The following PSMA4 variants were observed in gnomAD, a reference collection of about 807,000 sequenced individuals.
The protein encoded by PSMA4 is proteasome subunit alpha type-4.
Under a neutral mutation model 37.2 loss-of-function variants are expected in PSMA4, and 8 were observed. That is an observed-to-expected ratio of 0.22 (90% CI 0.13 to 0.39). The LOEUF is 0.39. Among genes scored for constraint, PSMA4 ranks in the 10% least tolerant of loss-of-function variants. The pLI, the probability that PSMA4 is intolerant of heterozygous loss-of-function variation, is 1.00. For missense variants in PSMA4, 169 were observed against 305.1 expected, an observed-to-expected ratio of 0.55 and a Z score of 3.32; for synonymous variants, 93 against 98.8, an observed-to-expected ratio of 0.94 and a Z score of 0.35.
chr15:78,546,777 T>C (rs907751606), intron 8 of PSMA4, 79 bp downstream of exon 8: 1 of 1,492,484 alleles, frequency 6.7e-7, no homozygotes, highest in African/African-American at 1.4e-5. Flanking sequence ...TCTTTTTTTT[T>C]TTTTTTTGAG....
At position 78,541,920 on chromosome 15, in the gene PSMA4, C is replaced by A; in HGVS notation, c.-8C>A. The stretch of plus-strand genomic sequence containing the variant: ...CTTTTTACAGGAACTATATAAAGTT[C>A]AGAAAACATGGTGAGTTAATACACA... On this transcript the variant is annotated 5_prime_UTR_variant, in exon 2 of 9. Transcript: ENST00000044462. The A allele has an allele frequency of 1.3e-6, 2 of 1,594,194 alleles. No homozygotes were observed. Among genetic ancestry groups the A allele is most frequent in the South Asian group, 1.1e-5 (1 of 89,590 alleles).
chr15:78,549,689 C>CT lies in PSMA4; in HGVS notation c.*746dup, dbSNP rs2052616741. On this transcript the variant is annotated 3_prime_UTR_variant, in exon 9 of 9. Transcript: ENST00000044462. ...TCCCAGATCTACTGAATTAAAATCTCTGAGGGTGAAACCCAGTAATCTGTT... is the reference window on the plus strand; with the variant it reads ...TCCCAGATCTACTGAATTAAAATCTCTTGAGGGTGAAACCCAGTAATCTGTT... 2 of 152,232 alleles carry CT rather than the reference C, an allele frequency of 1.3e-5. No individual in the cohort carries two copies. The highest frequency in any genetic ancestry group is 1.3e-4 in the Admixed American group (2 of 15,288). The allele number at this position is 152,232 out of a possible 1,614,324, so 9.4% of individuals were successfully genotyped here.
intron 3 of PSMA4, 124 bp downstream of exon 3, chr15:78,542,343 TATC>T: frequency 7.2e-7 from 1 of 1,395,226 alleles, no homozygotes; most frequent in Middle Eastern, 1.9e-4. Flanking sequence ...TTGAAGCAAT[TATC>T]ATCACCAGGT....
At position 78,544,252 on chromosome 15, in the gene PSMA4, G is replaced by C; in HGVS notation, c.272G>C (p.Arg91Thr). The change falls in exon 5 of 9, where the codon AGG (arginine) becomes ACG (threonine). Residue 91 changes from arginine (R) to threonine (T), a missense_variant. Arg to Thr is a moderately conservative substitution (Grantham distance 71). Around this residue, in one of 2 missense-constraint regions of PSMA4, gnomAD observed 79 missense variants for 212.4 expected, o/e 0.37. Coordinates refer to ENST00000044462, the MANE Select transcript of PSMA4 (RefSeq NM_002789.6). ...SDANVLTNEL[R>T]LIAQRYLLQY... ...GCTAATGTTCTGACTAATGAACTAAGGCTCATTGCTCAAAGGTATGGTCAT... is the reference window on the plus strand; with the variant it reads ...GCTAATGTTCTGACTAATGAACTAACGCTCATTGCTCAAAGGTATGGTCAT... 1 of 1,611,024 alleles carries C rather than the reference G, an allele frequency of 6.2e-7. No individual in the cohort carries two copies. Among genetic ancestry groups the C allele is most frequent in the Non-Finnish European group, 8.5e-7 (1 of 1,177,542 alleles).
Position 78,546,734 on chromosome 15 carries a change from A to G in PSMA4, c.631+36A>G, listed in dbSNP as rs770284958. 3.9e-6 allele frequency: 6 copies of G among 1,546,654 alleles called. No homozygotes were observed. The South Asian group carries it at 7.2e-5, about 19-fold the overall frequency. ...TCCTCTCCTTTAATTCTTTCGACTG[A>G]GTGAGGGAAATTAGCAGCTGTTAAG... On this transcript the variant is annotated intron_variant, in intron 8 of 8. Coordinates refer to ENST00000044462, the MANE Select transcript of PSMA4 (RefSeq NM_002789.6).
intron 1 of PSMA4, chr15:78,541,609 A>C: frequency 2.7e-6 from 1 of 367,350 alleles, no homozygotes; most frequent in Non-Finnish European, 5.0e-6. Context: ...ATTTACTTTC[A>C]TTTTCTGTAT....
Position 78,550,482 on chromosome 15 carries a change from C to T in PSMA4, c.*1538C>T, listed in dbSNP as rs987046489. The T allele has an allele frequency of 1.8e-5, 2 of 112,866 alleles. No individual in the cohort carries two copies. Among genetic ancestry groups the T allele is most frequent in the Non-Finnish European group, 3.5e-5 (2 of 57,400 alleles). The allele number at this position is 112,866 out of a possible 1,614,324, so 7.0% of individuals were successfully genotyped here. On this transcript the variant is annotated 3_prime_UTR_variant, in exon 9 of 9. Coordinates refer to ENST00000044462, the MANE Select transcript of PSMA4 (RefSeq NM_002789.6). The stretch of plus-strand genomic sequence containing the variant: ...ACAGCCCTCTTATGCTTAGGAACAA[C>T]ACTAAACAGTGTTTTTTTCATAGAG...
rs555793460 is a variant in PSMA4 at position 78,551,276 on chromosome 15, A to G, written c.*2332A>G. ...AGAGTCAAATTCTTTGTACTGGTTC[A>G]TGAGGTATCCTGTATTCTGGCCTTG... On this transcript the variant is annotated 3_prime_UTR_variant, in exon 9 of 9. Coordinates refer to ENST00000044462, the MANE Select transcript of PSMA4 (RefSeq NM_002789.6). 1.1e-4 allele frequency: 17 copies of G among 152,322 alleles called. No homozygotes were observed. The highest frequency in any genetic ancestry group is 3.9e-4 in the African/African-American group (16 of 41,554). The allele number at this position is 152,322 out of a possible 1,614,324, so 9.4% of individuals were successfully genotyped here. A position where few individuals can be genotyped will look rare whatever the true frequency, so the allele number is the denominator to read the frequency against.
intron 7 of PSMA4, among the ~76,000 whole-genome samples, chr15:78,546,085 T>A (rs113672073): frequency 0.016 from 2,446 of 152,156 alleles, 50 homozygotes; most frequent in South Asian, 0.057. Flanking sequence ...TTAAAGACAC[T>A]CTTTATAGAG....
Position 78,544,961 on chromosome 15 carries a change from T to C in PSMA4, c.376+4T>C. 1 of 1,587,530 alleles carries C rather than the reference T, an allele frequency of 6.3e-7. No individual in the cohort carries two copies. On this transcript the variant is annotated splice_donor_region_variant and intron_variant, in intron 6 of 8. Coordinates refer to ENST00000044462, the MANE Select transcript of PSMA4 (RefSeq NM_002789.6). ...CAAGCTTATACACAATTTGGAGGTA[T>C]TTAATTTTTTTGAAAATTTTATTCG... is the stretch of plus-strand genomic sequence containing the variant.
chr15:78,544,840 C>T, intron 5 of PSMA4, 29 bp from the exon 6 acceptor site: 5 of 1,455,400 alleles, frequency 3.4e-6, no homozygotes, highest in Non-Finnish European at 4.8e-6. Context: ...TTAGAGAAAA[C>T]TACTAATGTG....
intron 7 of PSMA4, 76 bp downstream of exon 7, chr15:78,545,840 T>G: frequency 6.8e-7 from 1 of 1,475,794 alleles, no homozygotes; most frequent in Non-Finnish European, 9.4e-7. Context: ...GTGATGAATG[T>G]AAACAGTATT....
chr15:78,546,538 A>G (rs751233612), intron 7 of PSMA4, 37 bp from the exon 8 acceptor site: 2 of 1,544,120 alleles, frequency 1.3e-6, no homozygotes, highest in South Asian at 1.2e-5. Context: ...TAAAAAATGT[A>G]AAAACTTAAA....
rs1227378060 is a variant in PSMA4 at position 78,548,849 on chromosome 15, A to G, written c.691A>G (p.Lys231Glu). The change falls in exon 9 of 9, where the codon AAA (lysine) becomes GAA (glutamate). Residue 231 changes from lysine (K) to glutamate (E), a missense_variant. Physicochemically the swap from Lys to Glu is moderately conservative, Grantham distance 56. Around this residue, in one of 2 missense-constraint regions of PSMA4, gnomAD observed 90 missense variants for 92.7 expected, o/e 0.97. Coordinates refer to ENST00000044462, the MANE Select transcript of PSMA4 (RefSeq NM_002789.6). ...GKTVIRVLKQ[K>E]EVEQLIKKHE... ...GACAGTAATCAGAGTTCTCAAACAA[A>G]AAGAAGTGGAGCAGTTGATCAAAAA... The G allele has an allele frequency of 6.2e-7, 1 of 1,613,312 alleles. No individual in the cohort carries two copies. The highest frequency in any genetic ancestry group is 1.3e-5 in the African/African-American group (1 of 75,032).
chr15:78,543,935 A>C, intron 4 of PSMA4: 1 of 343,374 alleles, frequency 2.9e-6, no homozygotes, highest in Non-Finnish European at 5.3e-6. Context: ...TAATTTTGTT[A>C]TCCTATTCAT....
chr15:78,543,333 T>C (rs1014757549), intron 4 of PSMA4, among the ~76,000 whole-genome samples: 1 of 152,054 alleles, frequency 6.6e-6, no homozygotes, highest in Admixed American at 6.6e-5. Flanking sequence ...TTGGGACCAC[T>C]CAACAGCTGG....
intron 5 of PSMA4, 175 bp from the exon 6 acceptor site, chr15:78,544,694 T>TA (rs1421866260): frequency 2.0e-6 from 1 of 496,282 alleles, no homozygotes; most frequent in Non-Finnish European, 3.5e-6. Context: ...CAACCAAACT[T>TA]ACAAAATATT....
At chr15:78,546,887 T>G in intron 8 of PSMA4, among the ~76,000 whole-genome samples, 189 bp downstream of exon 8, 1 of 152,006 alleles carries the variant, frequency 6.6e-6, no homozygotes, top group Non-Finnish European at 1.5e-5. Flanking sequence ...TGCCTCAGCC[T>G]GCCGAGTAGC....
In PSMA4 at chr15:78,545,924, T is replaced by C. The variant is rs549357359; in HGVS notation, c.507+160T>C. Among the ~76,000 whole-genome samples, 10 of 152,340 alleles carry C rather than the reference T, an allele frequency of 6.6e-5. No homozygotes were observed. In the East Asian group the frequency reaches 1.4e-3, roughly 21 times the overall value. Reference sequence around the variant, plus strand: ...TCTGTTGGTGACAGCATTGCTGATATAGCTAATATACTGGGGTTCGTTAAC... The same window carrying C: ...TCTGTTGGTGACAGCATTGCTGATACAGCTAATATACTGGGGTTCGTTAAC... On this transcript the variant is annotated intron_variant, in intron 7 of 8. Coordinates refer to ENST00000044462, the MANE Select transcript of PSMA4 (RefSeq NM_002789.6).
Sources: allele counts gnomAD v4.1 joint callset (sites outside exome capture counted in the v4.1 genomes callset), GRCh38; gene constraint gnomAD v4.1.1; regional missense constraint gnomAD v4.1.1; transcripts MANE v1.5; gene names NCBI Gene and HGNC (gene_info 2026-07-23, HGNC 2026-07-21).